SVIL: variants seen among roughly 807,000 people sequenced by gnomAD.
The protein encoded by SVIL is supervillin, also known as archvillin.
A neutral mutation model predicts 240.4 loss-of-function variants in SVIL; 101 were observed. The observed-to-expected ratio is 0.42, with a 90% CI of 0.36 to 0.50. The LOEUF (loss-of-function observed/expected upper bound fraction) is 0.50. Ranked by LOEUF, SVIL falls within the 20% of genes least tolerant of loss-of-function variation. SVIL has a pLI of 0.01. For missense variants in SVIL, 2,512 were observed against 2,818.7 expected, an observed-to-expected ratio of 0.89 and a Z score of 2.46; for synonymous variants, 999 against 1,100.0, an observed-to-expected ratio of 0.91 and a Z score of 1.82.
At chr10:29,499,425 C>T (rs546265903) in intron 17 of SVIL, among the ~76,000 whole-genome samples, 162 bp from the exon 18 acceptor site, 9 of 152,322 alleles carry the variant, frequency 5.9e-5, no homozygotes, top group Non-Finnish European at 1.2e-4. Context: ...GGCTTGGCTT[C>T]CTTACGTCCA....
At chr10:29,481,176 G>T (rs1435488690) in intron 28 of SVIL, among the ~76,000 whole-genome samples, 3 of 147,526 alleles carry the variant, frequency 2.0e-5, no homozygotes, top group Non-Finnish European at 3.0e-5. Flanking sequence ...GTTTGTTTGT[G>T]TGTCTGTGTG....
rs150279349 is a variant in SVIL, at chr10:29,480,729, C to T, written c.5185G>A (p.Gly1729Arg). Residue 1729 changes from glycine (G) to arginine (R), a missense_variant, in exon 29 of 38, where the codon GGA becomes AGA. Coordinates refer to ENST00000355867, the MANE Select transcript of SVIL (RefSeq NM_021738.3). The stretch of plus-strand genomic sequence containing the variant: ...CCATAGCCACGGCCGACGTTCACTC[C>T]GTCCAGGATGGTGCCTGCTGTCGTC... Reference protein sequence around the residue: ...PQTTAGTILDGVNVGRGYGLV... With the variant: ...PQTTAGTILDRVNVGRGYGLV... The T allele has an allele frequency of 1.9e-5, 31 of 1,614,192 alleles. No individual in the cohort carries two copies. The highest frequency in any genetic ancestry group is 1.3e-4 in the East Asian group (6 of 44,876).
intron 6 of SVIL, among the ~76,000 whole-genome samples, chr10:29,537,455 A>G (rs971331395): frequency 2.6e-4 from 40 of 152,238 alleles, no homozygotes; most frequent in Non-Finnish European, 1.6e-4. Flanking sequence ...TATTTTAGAG[A>G]AACATCATGG....
rs200568811 is a variant in SVIL at position 29,512,786 on chromosome 10, C to T, written c.3465G>A (p.Ala1155=). 2.0e-5 allele frequency: 32 copies of T among 1,613,580 alleles called. No homozygotes were observed. The highest frequency in any genetic ancestry group is 1.1e-4 in the East Asian group (5 of 44,882). ...RLSRRQEGGK[A]PASSLHTQEA... is the part of the protein sequence containing the mutation. ...CCTGGGTGTGCAGGCTGCTGGCCGG[C>T]GCCTTGCCGCCCTCCTGCCTCCTGC... Residue 1155 remains alanine, a synonymous_variant, in exon 17 of 38, where the codon GCG becomes GCA. Transcript: ENST00000355867.
chr10:29,517,921 A>G (rs1950321973), intron 16 of SVIL, among the ~76,000 whole-genome samples: 1 of 152,250 alleles, frequency 6.6e-6, no homozygotes, highest in African/African-American at 2.4e-5. Context: ...AGAATTATTT[A>G]ATTCGCAATG....
At position 29,523,433 on chromosome 10, in the gene SVIL, G is replaced by T. The variant is rs778192553; in HGVS notation, c.3163+18C>A. ...AACCCAGTGGCTTTCTAAAGCTTTA[G>T]GGGCACTGGTCACTTACCTCTTAGT... On this transcript the variant is annotated intron_variant, in intron 15 of 37. Transcript: ENST00000355867. 1.9e-6 allele frequency: 3 copies of T among 1,571,258 alleles called. No individual in the cohort carries two copies. In the South Asian group the frequency reaches 3.6e-5, roughly 19 times the overall value.
At position 29,493,403 on chromosome 10, in the gene SVIL, C is replaced by T; in HGVS notation, c.3842-12G>A. The T allele has an allele frequency of 1.2e-6, 2 of 1,613,780 alleles. No individual in the cohort carries two copies. The highest frequency in any genetic ancestry group is 1.7e-6 in the Non-Finnish European group (2 of 1,179,768). On this transcript the variant is annotated splice_polypyrimidine_tract_variant and intron_variant, in intron 20 of 37. Coordinates refer to ENST00000355867, the MANE Select transcript of SVIL (RefSeq NM_021738.3). ...GTGCATCCCGCCAACTATCAACAAA[C>T]AAGCAAAAGACATAAGAGTTTTATA...
chr10:29,480,684 T>C lies in SVIL; in HGVS notation c.5230A>G (p.Arg1744Gly). 6.2e-7 allele frequency: 1 copy of C among 1,614,206 alleles called. No individual in the cohort carries two copies. The highest frequency in any genetic ancestry group is 8.5e-7 in the Non-Finnish European group (1 of 1,180,014). Residue 1744 changes from arginine (R) to glycine (G), a missense_variant, in exon 29 of 38, where the codon AGG becomes GGG. Physicochemically the swap from Arg to Gly is moderately radical, Grantham distance 125. Transcript: ENST00000355867. ...ACGCTGGTGATCTCAAACTGCCTCC[T>C]GTCGTGTCCTTCCACCAGGCCATAG... ...RGYGLVEGHDRRQFEITSVSV... is the reference protein window; with the variant it reads ...RGYGLVEGHDGRQFEITSVSV...
At chr10:29,651,963 A>G (rs1958851057) in intron 3 of SVIL, among the ~76,000 whole-genome samples, 2 of 152,174 alleles carry the variant, frequency 1.3e-5, no homozygotes, top group South Asian at 4.2e-4. Context: ...CCTAAGTCTC[A>G]TCTATCATGA....
intron 17 of SVIL, among the ~76,000 whole-genome samples, chr10:29,501,204 G>A (rs1948863871): frequency 6.7e-6 from 1 of 148,308 alleles, no homozygotes; most frequent in Non-Finnish European, 1.5e-5. Context: ...CCTAGATGGG[G>A]TGGGGGCTAC....
In SVIL at chr10:29,499,180, C is replaced by T. The variant is rs1948689132; in HGVS notation, c.3600G>A (p.Thr1200=). Residue 1200 remains threonine (T), a synonymous_variant, in exon 18 of 38, where the codon ACG becomes ACA. Coordinates refer to ENST00000355867, the MANE Select transcript of SVIL (RefSeq NM_021738.3). Reference sequence around the variant, plus strand: ...AGTCGTTGGCCGCTCCTCTGCCTCTCGTCTTCCAGGCCTCCTCTCTCACAG... The same window carrying T: ...AGTCGTTGGCCGCTCCTCTGCCTCTTGTCTTCCAGGCCTCCTCTCTCACAG... ...LITVREEAWK[T]RGRGAANDST... 11 of 1,614,176 alleles carry T rather than the reference C, an allele frequency of 6.8e-6. No homozygotes were observed. The highest frequency in any genetic ancestry group is 8.5e-6 in the Non-Finnish European group (10 of 1,180,030).
chr10:29,469,431 A>G (rs898903362), intron 32 of SVIL, among the ~76,000 whole-genome samples: 5 of 152,214 alleles, frequency 3.3e-5, no homozygotes, highest in Admixed American at 3.3e-4. Flanking sequence ...CTCTGGGGAC[A>G]TGTGACCCTA....
chr10:29,553,701 A>G (rs903741081), intron 5 of SVIL, among the ~76,000 whole-genome samples: 18 of 152,254 alleles, frequency 1.2e-4, no homozygotes, highest in African/African-American at 4.3e-4. Flanking sequence ...GTCAAGTTGA[A>G]TATTTGATGA....
chr10:29,490,927 C>T lies in SVIL; in HGVS notation c.4112G>A (p.Arg1371Lys). 6.2e-7 allele frequency: 1 copy of T among 1,614,016 alleles called. No homozygotes were observed. The highest frequency in any genetic ancestry group is 8.5e-7 in the Non-Finnish European group (1 of 1,179,876). ...SKNPLKMLAA[R>K]EDLLQEYTEQ... ...AGTGTATTCCTGAAGGAGATCTTCT[C>T]TTGCCGCCAGCATTTTCAGGGGGTT... The change falls in exon 22 of 38, where the codon AGA becomes AAA. Residue 1371 changes from arginine to lysine, a missense_variant. Around this residue, in one of 3 missense-constraint regions of SVIL, gnomAD observed 272 missense variants for 406.8 expected, o/e 0.67. Transcript: ENST00000355867.
intron 1 of SVIL, among the ~76,000 whole-genome samples, chr10:29,619,529 G>A (rs1257129718): frequency 6.6e-6 from 1 of 152,218 alleles, no homozygotes; most frequent in Non-Finnish European, 1.5e-5. Flanking sequence ...CCCTGGAAGT[G>A]TAAGAGCCAA....
intron 18 of SVIL, among the ~76,000 whole-genome samples, chr10:29,495,817 G>A (rs1564517555): frequency 6.6e-6 from 1 of 152,260 alleles, no homozygotes; most frequent in East Asian, 1.9e-4. Flanking sequence ...GGCAAGTGGT[G>A]AGAGACACAT....
intron 1 of SVIL, among the ~76,000 whole-genome samples, chr10:29,727,734 T>C (rs1589589236): frequency 9.9e-6 from 1 of 101,254 alleles, no homozygotes; most frequent in East Asian, 3.0e-4. Context: ...AATTAAGTCG[T>C]GAACACAAAA....
At chr10:29,479,351 C>G (rs1946575219) in intron 29 of SVIL, among the ~76,000 whole-genome samples, 1 of 152,222 alleles carries the variant, frequency 6.6e-6, no homozygotes, top group Admixed American at 6.5e-5. Context: ...CTTGATCTTA[C>G]TGTCTTGGTC....
At chr10:29,645,404 T>C (rs959234067) in intron 3 of SVIL, among the ~76,000 whole-genome samples, 3 of 152,070 alleles carry the variant, frequency 2.0e-5, no homozygotes, top group Admixed American at 6.5e-5. Flanking sequence ...ACCATGTCTC[T>C]ACTAAAAATA....
Sources: allele counts gnomAD v4.1 joint callset (sites outside exome capture counted in the v4.1 genomes callset), GRCh38; gene constraint gnomAD v4.1.1; regional missense constraint gnomAD v4.1.1; transcripts MANE v1.5; gene names NCBI Gene and HGNC (gene_info 2026-07-23, HGNC 2026-07-21).